The following PPP2R3B variants were observed in gnomAD, a reference collection of about 807,000 sequenced individuals.
PPP2R3B encodes the protein serine/threonine-protein phosphatase 2A regulatory subunit B'' subunit beta.
Under a neutral mutation model 72.9 loss-of-function variants are expected in PPP2R3B, and 68 were observed. That is an observed-to-expected ratio of 0.93 (90% CI 0.77 to 1.14). The LOEUF (loss-of-function observed/expected upper bound fraction) is 1.14. PPP2R3B is among the 50% of genes most tolerant of loss of function. The probability of loss-of-function intolerance (pLI) is 0.00; values close to 1 mark genes in which losing one functional copy is unlikely to be tolerated. For synonymous variants in PPP2R3B, 466 were observed against 375.8 expected (o/e 1.24, Z -2.78); for missense variants, 1,018 against 842.0 (o/e 1.21, Z -2.59).
In PPP2R3B at chrX:346,249, C is replaced by T; in HGVS notation, c.804G>A (p.Arg268=). The T allele has an allele frequency of 6.4e-7, 1 of 1,569,182 alleles. No homozygotes were observed. Among genetic ancestry groups the T allele is most frequent in the Non-Finnish European group, 8.6e-7 (1 of 1,158,876 alleles). ...AGGACCGGTTCACGGCGTAGAAGAT[C>T]CGCTGGATGACCTGCGGGGGCGCTG... is the stretch of plus-strand genomic sequence containing the variant. The part of the protein sequence containing the change: ...HSRYITTVIQ[R]IFYAVNRSWS... Residue 268 remains arginine, a synonymous_variant, in exon 6 of 13, where the codon CGG becomes CGA. Coordinates refer to ENST00000390665, the MANE Select transcript of PPP2R3B (RefSeq NM_013239.5).
At chrX:336,065 G>C (rs1206341383) in intron 12 of PPP2R3B, 1 of 152,204 alleles carries the variant, frequency 6.6e-6, no homozygotes, top group Non-Finnish European at 1.5e-5. Context: ...CTACTCGGGG[G>C]GCTCAGGTGC....
intron 5 of PPP2R3B, 174 bp from the exon 6 acceptor site, chrX:346,434 GA>G (rs1451744386): frequency 3.0e-6 from 2 of 671,644 alleles, no homozygotes; most frequent in East Asian, 5.9e-5. Flanking sequence ...CCAGGCCGCG[GA>G]AAGCGGGGAG....
chrX:345,128 T>C (rs1287330808), intron 7 of PPP2R3B: 2 of 495,636 alleles, frequency 4.0e-6, no homozygotes, highest in South Asian at 3.1e-5. Context: ...CGGGATTGGA[T>C]GGAAACTGCT....
At chrX:372,520 CCTAAATT>C (rs1209630587) in intron 1 of PPP2R3B, among the ~76,000 whole-genome samples, 9 of 152,114 alleles carry the variant, frequency 5.9e-5, no homozygotes, top group Non-Finnish European at 1.2e-4. Context: ...GCAGCCAAAC[CCTAAATT>C]CTCAAATTAT....
intron 7 of PPP2R3B, chrX:345,019 G>C (rs1178394090): frequency 2.7e-6 from 1 of 371,860 alleles, no homozygotes; most frequent in Non-Finnish European, 5.3e-6. Context: ...ATGACTCTTA[G>C]AGGGGCCGGG....
intron 8 of PPP2R3B, 70 bp from the exon 9 acceptor site, chrX:341,466 G>C (rs751600076): frequency 5.2e-6 from 8 of 1,532,224 alleles, no homozygotes; most frequent in Non-Finnish European, 7.2e-6. Context: ...CGGAGCCCCT[G>C]TCCACGCGCC....
chrX:376,020 T>C (rs565273868), intron 1 of PPP2R3B, among the ~76,000 whole-genome samples: 5 of 152,218 alleles, frequency 3.3e-5, no homozygotes, highest in African/African-American at 7.2e-5. Flanking sequence ...GGTGAAACCC[T>C]GTCTCTACTA....
intron 1 of PPP2R3B, among the ~76,000 whole-genome samples, chrX:375,629 G>T (rs1483273606): frequency 6.6e-6 from 1 of 152,258 alleles, no homozygotes; most frequent in South Asian, 2.1e-4. Context: ...GGGCAGAGGT[G>T]CCGCCCCTTC....
chrX:361,526 A>T lies in PPP2R3B; in HGVS notation c.389T>A (p.Phe130Tyr). Residue 130 changes from phenylalanine to tyrosine, a missense_variant, in exon 2 of 13, where the codon TTC becomes TAC. Phe to Tyr is a conservative substitution (Grantham distance 22, BLOSUM62 3). Transcript: ENST00000390665. ...ATSQSIPTFY[F>Y]PRGRPQDSVN... ...GGAGTCCTGCGGGCGTCCTCTGGGG[A>T]AGTAGAAGGTCGGAATGCTTTGGCT... 1 of 1,613,950 alleles carries T rather than the reference A, an allele frequency of 6.2e-7. No individual in the cohort carries two copies.
chrX:364,305 C>A (rs937802371), intron 1 of PPP2R3B, among the ~76,000 whole-genome samples: 5 of 151,978 alleles, frequency 3.3e-5, no homozygotes, highest in Non-Finnish European at 7.4e-5. Context: ...GGAGTTCTCC[C>A]CCGAGAACTG....
intron 1 of PPP2R3B, among the ~76,000 whole-genome samples, chrX:381,520 C>T (rs190344300): frequency 7.3e-5 from 11 of 151,638 alleles, no homozygotes; most frequent in African/African-American, 2.7e-4. Flanking sequence ...GAGTTTGTAG[C>T]ATGGAACTGC....
At chrX:374,361 C>T (rs977379883) in intron 1 of PPP2R3B, among the ~76,000 whole-genome samples, 21 of 152,228 alleles carry the variant, frequency 1.4e-4, no homozygotes, top group Non-Finnish European at 2.8e-4. Context: ...CCCGGCAGCC[C>T]GGCATCAAAG....
At position 345,774 on chromosome X, in the gene PPP2R3B, G is replaced by A. The variant is rs2071190905; in HGVS notation, c.880-102C>T. ...AGGGAAGGCTGGGAGGGTCGGGGCCGCTCCGTGGGTGGGGGGGACTGGGCA... is the reference window on the plus strand; with the variant it reads ...AGGGAAGGCTGGGAGGGTCGGGGCCACTCCGTGGGTGGGGGGGACTGGGCA... On this transcript the variant is annotated intron_variant, in intron 6 of 12. Transcript: ENST00000390665. 7.2e-6 allele frequency: 8 copies of A among 1,117,050 alleles called. 1 individual carries two copies. The highest frequency in any genetic ancestry group is 5.4e-5 in the East Asian group (2 of 37,096). The allele number at this position is 1,117,050 out of a possible 1,614,324, so 69.2% of individuals were successfully genotyped here.
chrX:334,670 T>C, intron 12 of PPP2R3B, 153 bp from the exon 13 acceptor site: 1 of 930,696 alleles, frequency 1.1e-6, no homozygotes, highest in Non-Finnish European at 1.5e-6. Context: ...AGCAACGCGC[T>C]CCTGGCTGAG....
chrX:334,763 G>A (rs1029664501), intron 12 of PPP2R3B: 77 of 450,180 alleles, frequency 1.7e-4, no homozygotes, highest in South Asian at 5.4e-4. Context: ...AGCCCCGGGC[G>A]TGAGCTACAC....
intron 1 of PPP2R3B, among the ~76,000 whole-genome samples, chrX:367,138 G>GAGA (rs1364640488): frequency 6.6e-6 from 1 of 152,180 alleles, no homozygotes; most frequent in Non-Finnish European, 1.5e-5. Flanking sequence ...ATGCAGCAGG[G>GAGA]AGAAGCCAAG....
chrX:334,566 C>G, intron 12 of PPP2R3B, 49 bp from the exon 13 acceptor site: 1 of 1,416,460 alleles, frequency 7.1e-7, no homozygotes, highest in South Asian at 1.5e-5. Context: ...GGAGCAGGCC[C>G]TGGGCCGTTT....
In PPP2R3B at chrX:338,915, G is replaced by C. The variant is rs747395297; in HGVS notation, c.1352-19C>G. The C allele has an allele frequency of 6.2e-7, 1 of 1,604,240 alleles. No individual in the cohort carries two copies. Among genetic ancestry groups the C allele is most frequent in the Non-Finnish European group, 8.5e-7 (1 of 1,172,634 alleles). On this transcript the variant is annotated intron_variant, in intron 10 of 12. Transcript: ENST00000390665. ...ATCTTCCCTGCGGGGAGGGGAGTGC[G>C]TCCAAGGCGCGTGAGCCCGGTCTCA... is the stretch of plus-strand genomic sequence containing the variant.
At chrX:374,313 A>C (rs1470741559) in intron 1 of PPP2R3B, among the ~76,000 whole-genome samples, 1 of 152,136 alleles carries the variant, frequency 6.6e-6, no homozygotes, top group African/African-American at 2.4e-5. Context: ...CGCCAGGTGC[A>C]GCTGCGCCTC....
Sources: gnomAD v4.1 joint callset for allele counts (sites outside exome capture counted in the v4.1 genomes callset) on GRCh38, gnomAD v4.1.1 for gene constraint, MANE v1.5 for transcripts, NCBI Gene and HGNC (gene_info 2026-07-23, HGNC 2026-07-21) for gene names.